Variants in ZNF91 observed in about 807,000 individuals in gnomAD.
The protein encoded by ZNF91 is zinc finger protein 91, also known as zinc finger protein 91 (HPF7, HTF10).
In ZNF91, 7 loss-of-function variants were observed where a neutral mutation model predicts 12.6. The observed-to-expected ratio is 0.55, with a 90% CI of 0.31 to 1.04. The LOEUF is 1.04. Among genes scored for constraint, ZNF91 ranks in the 50% least tolerant of loss-of-function variants. The probability of loss-of-function intolerance (pLI) is 0.05; values close to 1 mark genes in which losing one functional copy is unlikely to be tolerated. For missense variants in ZNF91, 1,217 were observed against 1,385.4 expected, an observed-to-expected ratio of 0.88 and a Z score of 1.93; for synonymous variants, 453 against 462.6, an observed-to-expected ratio of 0.98 and a Z score of 0.27.
chr19:23,323,825 CTT>C (rs1355257634), intron 1 of ZNF91: 4 of 150,562 alleles, frequency 2.7e-5, no homozygotes, highest in Non-Finnish European at 4.4e-5. Flanking sequence ...CCTACTTTTC[CTT>C]TTTCTTTTCT....
At chr19:23,316,949 GAC>G (rs1967573082) in intron 1 of ZNF91, among the ~76,000 whole-genome samples, 1 of 152,170 alleles carries the variant, frequency 6.6e-6, no homozygotes, top group African/African-American at 2.4e-5. Flanking sequence ...CTCACAGGTC[GAC>G]ACAGACCACA....
chr19:23,359,699 T>A lies in ZNF91; in HGVS notation c.3280A>T (p.Thr1094Ser). 2.5e-6 allele frequency: 4 copies of A among 1,614,090 alleles called. No homozygotes were observed. The highest frequency in any genetic ancestry group is 3.4e-6 in the Non-Finnish European group (4 of 1,179,998). The change falls in exon 4 of 4, where the codon ACT becomes TCT. Residue 1094 changes from threonine to serine, a missense_variant. Transcript: ENST00000300619. ...GKAFSQSSTL[T>S]RHKRLHTGEK... ...CCGGTGTGCAACCTCTTATGTCTAG[T>A]TAGGGTTGAAGATTGGCTAAATGCT... is the stretch of plus-strand genomic sequence containing the variant.
intron 1 of ZNF91, among the ~76,000 whole-genome samples, chr19:23,321,574 A>C (rs1337364127): frequency 6.6e-6 from 1 of 151,706 alleles, no homozygotes; most frequent in Admixed American, 6.6e-5. Context: ...CCCACAGGGG[A>C]GATTGTTACA....
chr19:23,361,914 A>G lies in ZNF91; in HGVS notation c.1065T>C (p.Cys355=). The G allele has an allele frequency of 6.2e-7, 1 of 1,613,658 alleles. No homozygotes were observed. Among genetic ancestry groups the G allele is most frequent in the Middle Eastern group, 1.7e-4 (1 of 6,058 alleles). Residue 355 remains cysteine (C), a synonymous_variant, in exon 4 of 4, where the codon TGT becomes TGC. Transcript: ENST00000300619. ...TGEKPYKCKE[C]GKAFSNSSTL... is the part of the protein sequence containing the mutation. ...TTGAGGAATTGCTAAAAGCTTTGCC[A>G]CATTCTTTACATTTGTAGGGTTTCT...
chr19:23,335,694 AGT>A (rs1967994853), downstream of ZNF91, among the ~76,000 whole-genome samples: 1 of 152,092 alleles, frequency 6.6e-6, no homozygotes, highest in Non-Finnish European at 1.5e-5. Context: ...TTAGGGTGGG[AGT>A]GTCCCAATTT....
intron 3 of ZNF91, among the ~76,000 whole-genome samples, chr19:23,343,834 C>T (rs546113475): frequency 2.0e-5 from 3 of 152,354 alleles, no homozygotes; most frequent in East Asian, 3.9e-4. Flanking sequence ...CAGACCTCAG[C>T]TTGGGCTGGA....
At chr19:23,309,119 A>T (rs1043557294) in intron 1 of ZNF91, 4 of 151,384 alleles carry the variant, frequency 2.6e-5, no homozygotes, top group Non-Finnish European at 4.4e-5. Context: ...AAAAAAAAAA[A>T]GGTTATTGTA....
rs1462764517 is a variant in ZNF91, at chr19:23,373,812, C to G, written c.183G>C (p.Leu61=). 1 of 1,610,636 alleles carries G rather than the reference C, an allele frequency of 6.2e-7. No homozygotes were observed. Among genetic ancestry groups the G allele is most frequent in the East Asian group, 2.2e-5 (1 of 44,632 alleles). ...CTTTTCCTTGCTCCAGATAAGTAAT[C>G]AGGTCTGGCTTAGAGAGAGCAATAC... ...FLGIALSKPD[L]ITYLEQGKEP... is the part of the protein sequence containing the mutation. Residue 61 remains leucine, a synonymous_variant, in exon 3 of 4, where the codon CTG becomes CTC. Coordinates refer to ENST00000300619, the MANE Select transcript of ZNF91 (RefSeq NM_003430.4).
chr19:23,306,700 T>C (rs1195742813), intron 3 of ZNF91: 10 of 152,266 alleles, frequency 6.6e-5, no homozygotes, highest in Non-Finnish European at 1.3e-4. Context: ...AGAGAGGTGA[T>C]GTGACTCTCT....
At chr19:23,368,311 A>G (rs1436084011) in intron 3 of ZNF91, among the ~76,000 whole-genome samples, 1 of 151,816 alleles carries the variant, frequency 6.6e-6, no homozygotes, top group African/African-American at 2.4e-5. Context: ...GGAGTTCAAG[A>G]CCAGACCAGC....
chr19:23,336,824 C>T (rs1452449666), downstream of ZNF91, among the ~76,000 whole-genome samples: 1 of 152,116 alleles, frequency 6.6e-6, no homozygotes, highest in Non-Finnish European at 1.5e-5. Context: ...GGCTGGAGTG[C>T]AGTGGCGTGA....
chr19:23,392,117 C>T (rs1209857987), intron 1 of ZNF91, among the ~76,000 whole-genome samples: 1 of 152,030 alleles, frequency 6.6e-6, no homozygotes, highest in Non-Finnish European at 1.5e-5. Context: ...ATTAGTCTGC[C>T]GGGCACAGTG....
Position 23,362,090 on chromosome 19 carries a change from C to T in ZNF91, c.889G>A (p.Glu297Lys). The T allele has an allele frequency of 6.2e-7, 1 of 1,613,570 alleles. No individual in the cohort carries two copies. The highest frequency in any genetic ancestry group is 1.7e-5 in the Admixed American group (1 of 59,952). Residue 297 changes from glutamate (E) to lysine (K), a missense_variant, in exon 4 of 4, where the codon GAA becomes AAA. This residue lies in a region of ZNF91 where 726 missense variants were observed against 895.5 expected (regional missense o/e 0.81). Transcript: ENST00000300619. The part of the protein sequence containing the change: ...IHTGEKPYKC[E>K]ECGKAFSHSS... ...TGGCTAAAAGCTTTGCCACATTCTT[C>T]ACATTTGTAGGGTTTCTCTCCAGTG...
upstream of ZNF91, among the ~76,000 whole-genome samples, chr19:23,314,816 T>C (rs1214237168): frequency 6.6e-6 from 1 of 152,234 alleles, no homozygotes; most frequent in Admixed American, 6.5e-5. Context: ...CTAAAAGAGA[T>C]TGCAATTTAT....
chr19:23,323,681 TCTA>T (rs1967768142), intron 1 of ZNF91, among the ~76,000 whole-genome samples: 1 of 109,080 alleles, frequency 9.2e-6, no homozygotes, highest in Non-Finnish European at 1.8e-5. Flanking sequence ...CTCCTCCTCC[TCTA>T]CTTCTCCTTC....
At chr19:23,324,800 G>A (rs887520771) in intron 1 of ZNF91, 7 of 151,880 alleles carry the variant, frequency 4.6e-5, no homozygotes, top group Admixed American at 2.6e-4. Context: ...TGAAACTTCT[G>A]GGCGCAAGCT....
At chr19:23,333,479 C>G (rs530265971) in intron 1 of ZNF91, among the ~76,000 whole-genome samples, 1 of 152,208 alleles carries the variant, frequency 6.6e-6, no homozygotes, top group South Asian at 2.1e-4. Context: ...TGTTGTTTTG[C>G]TTTTTAAGCA....
intron 3 of ZNF91, among the ~76,000 whole-genome samples, chr19:23,351,940 C>A (rs1968378065): frequency 6.6e-6 from 1 of 152,090 alleles, no homozygotes; most frequent in African/African-American, 2.4e-5. Flanking sequence ...CCACAGGAAT[C>A]CATCAGGAGG....
intron 3 of ZNF91, among the ~76,000 whole-genome samples, chr19:23,368,600 C>T (rs1158297595): frequency 6.8e-6 from 1 of 147,506 alleles, no homozygotes; most frequent in Non-Finnish European, 1.5e-5. Context: ...GTCTTGGTGC[C>T]AAATTCTTAG....
Sources: allele counts gnomAD v4.1 joint callset (sites outside exome capture counted in the v4.1 genomes callset), GRCh38; gene constraint gnomAD v4.1.1; regional missense constraint gnomAD v4.1.1; transcripts MANE v1.5; gene names NCBI Gene and HGNC (gene_info 2026-07-23, HGNC 2026-07-21).